Variants in FAM177A1 observed in about 807,000 individuals in gnomAD.
The protein encoded by FAM177A1 is family with sequence similarity 177 member A1.
Under a neutral mutation model 26.1 loss-of-function variants are expected in FAM177A1, and 22 were observed. The ratio of observed to expected loss-of-function variants is 0.84; its 90% CI spans 0.60 to 1.20. FAM177A1 has a LOEUF of 1.20. FAM177A1 is among the 50% of genes most tolerant of loss of function. The pLI is 0.00. For missense variants in FAM177A1, 296 were observed against 291.1 expected (o/e 1.02, Z -0.12); for synonymous variants, 95 against 99.3 (o/e 0.96, Z 0.26).
At chr14:35,053,130 A>G in intron 1 of FAM177A1, 148 bp from the exon 2 acceptor site, 2 of 662,034 alleles carry the variant, frequency 3.0e-6, no homozygotes. Context: ...CAGCCTGAGC[A>G]ATAGAGTGAG....
intron 1 of FAM177A1, among the ~76,000 whole-genome samples, chr14:35,051,610 G>T (rs12878409): frequency 0.026 from 3,958 of 151,934 alleles, 69 homozygotes; most frequent in East Asian, 0.034. Flanking sequence ...TTGGGGTTTT[G>T]CCATGTTGGC....
intron 1 of FAM177A1, among the ~76,000 whole-genome samples, chr14:35,052,531 GT>G (rs1164449115): frequency 6.6e-6 from 1 of 152,004 alleles, no homozygotes; most frequent in African/African-American, 2.4e-5. Context: ...TTTATTAGGA[GT>G]TTAAACTTGA....
At chr14:35,060,881 A>T (rs145787285) in intron 2 of FAM177A1, among the ~76,000 whole-genome samples, 1 of 152,334 alleles carries the variant, frequency 6.6e-6, no homozygotes, top group African/African-American at 2.4e-5. Flanking sequence ...GTAGCATCAT[A>T]AAATCTCATA....
At chr14:35,052,362 C>T (rs1595037393) in intron 1 of FAM177A1, among the ~76,000 whole-genome samples, 2 of 152,018 alleles carry the variant, frequency 1.3e-5, no homozygotes, top group South Asian at 2.1e-4. Context: ...GTTGGGACTA[C>T]AGGCACCCGC....
rs1242762156 is a variant in FAM177A1 at position 35,077,224 on chromosome 14, T to A, written c.406+8T>A. On this transcript the variant is annotated splice_region_variant and intron_variant, in intron 3 of 4. Transcript: ENST00000280987. ...CTACATCAACTCTCTCAGGTATTGC[T>A]TTTCTGCTTGAATATTGTATAATTG... 2 of 1,612,662 alleles carry A rather than the reference T, an allele frequency of 1.2e-6. No homozygotes were observed. The highest frequency in any genetic ancestry group is 2.7e-5 in the African/African-American group (2 of 74,888).
At chr14:35,055,162 G>T (rs1321921788) in intron 2 of FAM177A1, among the ~76,000 whole-genome samples, 2 of 151,222 alleles carry the variant, frequency 1.3e-5, no homozygotes, top group Non-Finnish European at 2.9e-5. Context: ...AATTAGGCAG[G>T]CGTGATGGCA....
In FAM177A1 at chr14:35,064,388, AAAAC is replaced by A. The variant is rs572143557; in HGVS notation, c.339+10949_339+10952del. 1.4e-3 allele frequency among the ~76,000 whole-genome samples: 209 copies of A among 152,286 alleles called. 1 individual carries two copies. The highest frequency in any genetic ancestry group is 3.7e-3 in the African/African-American group (154 of 41,574). On this transcript the variant is annotated intron_variant, in intron 2 of 4. Transcript: ENST00000280987. ...GGCAACAGAACATGACTTTGTCTCG[AAAAC>A]AAACAAACAAAAAAGTACAATGATT...
rs2044865957 is a variant in FAM177A1 at position 35,046,509 on chromosome 14, AG to A, written c.47del (p.Ser16ThrfsTer41). On this transcript the variant is annotated frameshift_variant, in exon 1 of 5. Transcript: ENST00000280987. LOFTEE classifies it high-confidence loss of function. Reference protein sequence around the residue: ...PAITLFLTSASSPVVATTMDQ... With the variant: ...PAITLFLTSAXSPVVATTMDQ... ...CATTACCCTCTTTCTCACCAGCGCC[AG>A]CAGCCCTGTGGTGGCGACGACGATG... The A allele has an allele frequency of 6.2e-7, 1 of 1,602,802 alleles. No individual in the cohort carries two copies. The highest frequency in any genetic ancestry group is 1.3e-5 in the African/African-American group (1 of 74,288).
At chr14:35,046,745 GT>G (rs1566664561) in intron 1 of FAM177A1, 117 bp downstream of exon 1, 1 of 1,415,074 alleles carries the variant, frequency 7.1e-7, no homozygotes, top group Non-Finnish European at 9.2e-7. Context: ...CAGCTTTGGA[GT>G]TCCTCCTCAC....
chr14:35,081,308 A>T lies in FAM177A1; in HGVS notation c.*80A>T. On this transcript the variant is annotated 3_prime_UTR_variant, in exon 5 of 5. Transcript: ENST00000280987. ...ACTTTCACATTCTTTATTCAGTGGGACTTAATACAATTATTTATATTTTAA... is the reference window on the plus strand; with the variant it reads ...ACTTTCACATTCTTTATTCAGTGGGTCTTAATACAATTATTTATATTTTAA... The T allele has an allele frequency of 8.0e-7, 1 of 1,247,598 alleles. No homozygotes were observed. The highest frequency in any genetic ancestry group is 1.7e-5 in the South Asian group (1 of 59,286). 77.3% of individuals were successfully genotyped at this position (1,247,598 alleles called of 1,614,324 possible). A position where few individuals can be genotyped will look rare whatever the true frequency, so the allele number is the denominator to read the frequency against.
chr14:35,077,499 G>A lies in FAM177A1; in HGVS notation c.406+283G>A, dbSNP rs567734833. 2.5e-3 allele frequency among the ~76,000 whole-genome samples: 299 copies of A among 117,722 alleles called. 2 individuals carry two copies. The highest frequency in any genetic ancestry group is 9.7e-3 in the African/African-American group (289 of 29,706). The allele number at this position is 117,722 out of a possible 152,430, so 77.2% of individuals were successfully genotyped here. A position where few individuals can be genotyped will look rare whatever the true frequency, so the allele number is the denominator to read the frequency against. On this transcript the variant is annotated intron_variant, in intron 3 of 4. Coordinates refer to ENST00000280987, the MANE Select transcript of FAM177A1 (RefSeq NM_173607.5). ...TTTTTTTTTTTTTTTTTTTTGAGAC[G>A]GAGTCTCGCTCTGTCGCCCAGGCCG...
chr14:35,075,006 T>C (rs1339771710), intron 2 of FAM177A1, among the ~76,000 whole-genome samples: 1 of 152,148 alleles, frequency 6.6e-6, no homozygotes, highest in African/African-American at 2.4e-5. Flanking sequence ...CACTGCGTTC[T>C]AGCATGGGTG....
intron 2 of FAM177A1, among the ~76,000 whole-genome samples, chr14:35,062,122 G>GGAGT (rs2045168814): frequency 1.3e-5 from 2 of 152,220 alleles, no homozygotes; most frequent in African/African-American, 4.8e-5. Context: ...GTGCTGAGAG[G>GGAGT]GAGTGGTCTT....
chr14:35,046,984 T>C, intron 1 of FAM177A1: 1 of 1,053,058 alleles, frequency 9.5e-7, no homozygotes, highest in Non-Finnish European at 1.1e-6. Flanking sequence ...CTTCTCAGTC[T>C]CTTCTGGTGC....
intron 2 of FAM177A1, among the ~76,000 whole-genome samples, chr14:35,060,943 A>G (rs531607299): frequency 6.6e-6 from 1 of 152,298 alleles, no homozygotes; most frequent in South Asian, 2.1e-4. Context: ...ACAGTACAAC[A>G]TGATATTTTG....
At chr14:35,051,780 A>C (rs190548022) in intron 1 of FAM177A1, among the ~76,000 whole-genome samples, 4 of 152,194 alleles carry the variant, frequency 2.6e-5, no homozygotes, top group Admixed American at 2.0e-4. Flanking sequence ...TTGGGAGGTA[A>C]AAGGCAGAGA....
intron 3 of FAM177A1, 96 bp downstream of exon 3, chr14:35,077,312 C>T: frequency 1.8e-6 from 2 of 1,109,774 alleles, no homozygotes; most frequent in South Asian, 1.3e-5. Context: ...GAAGGAGAAA[C>T]AATAGGGAGT....
At chr14:35,079,407 T>C (rs2045445453) in intron 4 of FAM177A1, among the ~76,000 whole-genome samples, 1 of 152,166 alleles carries the variant, frequency 6.6e-6, no homozygotes, top group Non-Finnish European at 1.5e-5. Flanking sequence ...GATAAAAATT[T>C]AAGTACAAGA....
chr14:35,070,398 C>T (rs1021538633), intron 2 of FAM177A1, among the ~76,000 whole-genome samples: 3 of 151,676 alleles, frequency 2.0e-5, no homozygotes, highest in African/African-American at 7.3e-5. Flanking sequence ...GGCATGATCT[C>T]GCCTCGCTGC....
Sources: gnomAD v4.1 joint callset for allele counts (sites outside exome capture counted in the v4.1 genomes callset) on GRCh38, gnomAD v4.1.1 for gene constraint, MANE v1.5 for transcripts, NCBI Gene and HGNC (gene_info 2026-07-23, HGNC 2026-07-21) for gene names.